Variants in GALNT10 observed in about 807,000 individuals in gnomAD.
The protein encoded by GALNT10 is polypeptide N-acetylgalactosaminyltransferase 10.
A neutral mutation model predicts 75.0 loss-of-function variants in GALNT10; 41 were observed. The ratio of observed to expected loss-of-function variants is 0.55; its 90% CI spans 0.43 to 0.71. The LOEUF (loss-of-function observed/expected upper bound fraction) is 0.71. Among genes scored for constraint, GALNT10 ranks in the 30% least tolerant of loss-of-function variants. GALNT10 has a pLI of 0.00. For synonymous variants in GALNT10, 302 were observed against 313.0 expected (o/e 0.96, Z 0.37); for missense variants, 727 against 818.5 (o/e 0.89, Z 1.36).
At chr5:154,381,181 C>T (rs1755729362) in intron 6 of GALNT10, among the ~76,000 whole-genome samples, 1 of 152,154 alleles carries the variant, frequency 6.6e-6, no homozygotes, top group South Asian at 2.1e-4. Context: ...AGGAAAATAG[C>T]AGTTTGTCCC....
chr5:154,279,136 A>G (rs1441220692), intron 1 of GALNT10, among the ~76,000 whole-genome samples: 2 of 152,156 alleles, frequency 1.3e-5, no homozygotes, highest in Non-Finnish European at 2.9e-5. Flanking sequence ...TTTTAACAGC[A>G]GCTGCACCAT....
intron 1 of GALNT10, among the ~76,000 whole-genome samples, chr5:154,193,268 C>T (rs1003901808): frequency 1.3e-5 from 2 of 152,204 alleles, no homozygotes; most frequent in Non-Finnish European, 2.9e-5. Flanking sequence ...CTAGGTGCTA[C>T]AGGATTCAGC....
intron 3 of GALNT10, among the ~76,000 whole-genome samples, chr5:154,323,062 GAAGAA>G (rs1754698085): frequency 6.6e-6 from 1 of 152,230 alleles, no homozygotes; most frequent in African/African-American, 2.4e-5. Context: ...AAAGTGCAAT[GAAGAA>G]AAGCATAGGG....
Position 154,190,835 on chromosome 5 carries a change from C to T in GALNT10, c.-32C>T. Reference sequence around the variant, plus strand: ...CGGAGCTGGGGGCGGCGCGGCGGGGCCGGCGGGGCGCGGCGGGGCTGACCG... The same window carrying T: ...CGGAGCTGGGGGCGGCGCGGCGGGGTCGGCGGGGCGCGGCGGGGCTGACCG... On this transcript the variant is annotated 5_prime_UTR_variant, in exon 1 of 12. Coordinates refer to ENST00000297107, the MANE Select transcript of GALNT10 (RefSeq NM_198321.4). 4.4e-6 allele frequency: 5 copies of T among 1,132,102 alleles called. No individual in the cohort carries two copies. Among genetic ancestry groups the T allele is most frequent in the Non-Finnish European group, 5.4e-6 (5 of 921,494 alleles). The allele number at this position is 1,132,102 out of a possible 1,614,324, so 70.1% of individuals were successfully genotyped here. A position where few individuals can be genotyped will look rare whatever the true frequency, so the allele number is the denominator to read the frequency against.
chr5:154,278,782 G>A (rs1022005712), intron 1 of GALNT10, among the ~76,000 whole-genome samples: 1 of 152,104 alleles, frequency 6.6e-6, no homozygotes, highest in African/African-American at 2.4e-5. Flanking sequence ...CCTCATATAA[G>A]TGGAATCATA....
At chr5:154,320,931 A>G (rs1231175432) in intron 3 of GALNT10, among the ~76,000 whole-genome samples, 2 of 152,196 alleles carry the variant, frequency 1.3e-5, no homozygotes, top group African/African-American at 2.4e-5. Flanking sequence ...GCAAGGACAT[A>G]TCTTCCCTCC....
chr5:154,393,065 A>C (rs202164687), intron 7 of GALNT10: 1 of 124,466 alleles, frequency 8.0e-6, no homozygotes, highest in Non-Finnish European at 1.7e-5. Context: ...CACAAAAAAA[A>C]AAAAAAAAAA....
intron 1 of GALNT10, among the ~76,000 whole-genome samples, chr5:154,203,574 T>G (rs554199037): frequency 6.6e-6 from 1 of 152,354 alleles, no homozygotes; most frequent in African/African-American, 2.4e-5. Context: ...AATCTTTTTC[T>G]TCCCAGAAAG....
chr5:154,213,745 T>C (rs1752817976), intron 1 of GALNT10, among the ~76,000 whole-genome samples: 2 of 152,136 alleles, frequency 1.3e-5, no homozygotes, highest in African/African-American at 4.8e-5. Flanking sequence ...CCATGCTGGC[T>C]AGTTTTTGTA....
intron 4 of GALNT10, among the ~76,000 whole-genome samples, chr5:154,349,092 A>G (rs74661537): frequency 0.076 from 11,533 of 152,204 alleles, 583 homozygotes; most frequent in Non-Finnish European, 0.11. Flanking sequence ...CCACAGAGAC[A>G]GCGAACCCTT....
chr5:154,401,611 A>AT (rs892697324), intron 7 of GALNT10, among the ~76,000 whole-genome samples: 1 of 151,572 alleles, frequency 6.6e-6, no homozygotes. Flanking sequence ...GACTGGCTGG[A>AT]TTTTTTTTTC....
At chr5:154,260,078 T>G (rs1388760043) in intron 1 of GALNT10, among the ~76,000 whole-genome samples, 1 of 152,174 alleles carries the variant, frequency 6.6e-6, no homozygotes, top group African/African-American at 2.4e-5. Context: ...CACTTGTGGA[T>G]GTTTTGTTTG....
At chr5:154,216,435 G>T (rs1325058626) in intron 1 of GALNT10, among the ~76,000 whole-genome samples, 5 of 152,054 alleles carry the variant, frequency 3.3e-5, no homozygotes, top group African/African-American at 1.2e-4. Flanking sequence ...AAATTAAAAA[G>T]ATTTTTTTTA....
intron 1 of GALNT10, among the ~76,000 whole-genome samples, chr5:154,281,386 G>A (rs1385227316): frequency 2.0e-5 from 3 of 152,128 alleles, no homozygotes; most frequent in East Asian, 3.9e-4. Flanking sequence ...ATTGATTTTT[G>A]TATATTGACC....
chr5:154,367,509 C>T (rs965963141), intron 4 of GALNT10, among the ~76,000 whole-genome samples: 2 of 152,122 alleles, frequency 1.3e-5, no homozygotes, highest in East Asian at 1.9e-4. Context: ...AGCACCCACC[C>T]GCTCGCAGGT....
chr5:154,318,279 C>T (rs1213418390), intron 3 of GALNT10, among the ~76,000 whole-genome samples: 5 of 152,182 alleles, frequency 3.3e-5, no homozygotes, highest in Non-Finnish European at 7.3e-5. Context: ...CCAGCTGGGA[C>T]CTCAGTTGCA....
At chr5:154,280,993 T>C (rs1214943038) in intron 1 of GALNT10, among the ~76,000 whole-genome samples, 3 of 152,230 alleles carry the variant, frequency 2.0e-5, no homozygotes, top group Non-Finnish European at 4.4e-5. Flanking sequence ...TTAGGGCCAC[T>C]CTCTGTTGGT....
chr5:154,338,904 C>A (rs945715909), intron 4 of GALNT10, among the ~76,000 whole-genome samples: 2 of 152,206 alleles, frequency 1.3e-5, no homozygotes, highest in African/African-American at 4.8e-5. Flanking sequence ...ACAGGCTTAG[C>A]AGGTATGGAA....
chr5:154,400,210 G>A (rs539580358), intron 7 of GALNT10, among the ~76,000 whole-genome samples: 4 of 152,276 alleles, frequency 2.6e-5, no homozygotes, highest in African/African-American at 4.8e-5. Context: ...TGGCGGGGGC[G>A]GGGGTGAGGG....
Sources: allele counts gnomAD v4.1 joint callset (sites outside exome capture counted in the v4.1 genomes callset), GRCh38; gene constraint gnomAD v4.1.1; transcripts MANE v1.5; gene names NCBI Gene and HGNC (gene_info 2026-07-23, HGNC 2026-07-21).